Variants in MICAL3 observed in about 807,000 individuals in gnomAD.
The protein encoded by MICAL3 is [F-actin]-monooxygenase MICAL3.
A neutral mutation model predicts 207.4 loss-of-function variants in MICAL3; 62 were observed. The observed-to-expected ratio is 0.30, with a 90% CI of 0.24 to 0.37. MICAL3 has a LOEUF of 0.37. Among genes scored for constraint, MICAL3 ranks in the 10% least tolerant of loss-of-function variants. The pLI is 1.00. For missense variants in MICAL3, 2,368 were observed against 2,635.6 expected (o/e 0.90, Z 2.22); for synonymous variants, 1,077 against 1,069.3 (o/e 1.01, Z -0.14).
At chr22:17,815,442 C>CT (rs2062094451) in intron 27 of MICAL3, 1 of 152,298 alleles carries the variant, frequency 6.6e-6, no homozygotes, top group Non-Finnish European at 1.5e-5. Context: ...TGCTGACCCC[C>CT]TAAAGCAGCA....
chr22:17,840,761 T>C (rs1923929315), intron 20 of MICAL3: 1 of 151,780 alleles, frequency 6.6e-6, no homozygotes, highest in Non-Finnish European at 1.5e-5. Flanking sequence ...GTGGGGAGAG[T>C]GGGGCCTCCA....
intron 19 of MICAL3, among the ~76,000 whole-genome samples, chr22:17,846,797 A>C (rs2146087624): frequency 6.6e-6 from 1 of 152,354 alleles, no homozygotes; most frequent in South Asian, 2.1e-4. Context: ...GTCTTCACTA[A>C]GTCAGGGCAG....
At chr22:17,905,295 C>T (rs896711595) in intron 2 of MICAL3, among the ~76,000 whole-genome samples, 7 of 152,104 alleles carry the variant, frequency 4.6e-5, no homozygotes, top group Non-Finnish European at 8.8e-5. Context: ...ATGAGTCTAC[C>T]ACACACATGA....
At chr22:17,876,610 G>T in intron 16 of MICAL3, 1 of 152,806 alleles carries the variant, frequency 6.5e-6, no homozygotes, top group Non-Finnish European at 1.5e-5. Flanking sequence ...AGCCCCCTGG[G>T]GGGCAGAGCA....
intron 19 of MICAL3, among the ~76,000 whole-genome samples, chr22:17,849,277 A>G (rs1315126296): frequency 6.6e-6 from 1 of 152,236 alleles, no homozygotes; most frequent in African/African-American, 2.4e-5. Flanking sequence ...CCAAAGACTC[A>G]CATGAGCCAG....
At chr22:18,001,267 G>T (rs1263088778) in intron 1 of MICAL3, 1 of 152,068 alleles carries the variant, frequency 6.6e-6, no homozygotes, top group Admixed American at 6.5e-5. Context: ...CGCTCGCGGG[G>T]CCACCCGCTC....
chr22:17,999,866 C>A (rs2146484829), intron 1 of MICAL3, among the ~76,000 whole-genome samples: 1 of 152,332 alleles, frequency 6.6e-6, no homozygotes, highest in East Asian at 1.9e-4. Flanking sequence ...TTTAAAACTT[C>A]TAAACCTGGA....
rs905933315 is a variant in MICAL3 at position 17,881,117 on chromosome 22, G to C, written c.2241+4761C>G. The C allele has an allele frequency of 7.3e-6, 8 of 1,099,116 alleles. No individual in the cohort carries two copies. In the East Asian group the frequency reaches 9.5e-5, roughly 13 times the overall value. 68.1% of individuals were successfully genotyped at this position (1,099,116 alleles called of 1,614,324 possible). On this transcript the variant is annotated intron_variant, in intron 16 of 31. Transcript: ENST00000441493. ...TTCTTGATAGTTATTGCTGGTAAGA[G>C]GGAAAGTGACTTGGTCTCTACACTA...
At chr22:17,877,144 T>C (rs369817955) in intron 16 of MICAL3, among the ~76,000 whole-genome samples, 6 of 17,560 alleles carry the variant, frequency 3.4e-4, no homozygotes, top group Admixed American at 9.5e-4. Context: ...AGGGAGGTTA[T>C]GGAGGTTAGG....
intron 16 of MICAL3, chr22:17,881,383 G>C: frequency 1.6e-6 from 2 of 1,220,668 alleles, no homozygotes; most frequent in Non-Finnish European, 2.4e-6. Flanking sequence ...GAGGACTGAA[G>C]GGTGTTTGTC....
chr22:17,895,711 C>CA (rs1930771190), intron 9 of MICAL3, among the ~76,000 whole-genome samples: 1 of 151,826 alleles, frequency 6.6e-6, no homozygotes, highest in South Asian at 2.1e-4. Context: ...TCAAGCATCC[C>CA]AATATTTACT....
At chr22:17,892,012 G>A (rs1399582496) in intron 11 of MICAL3, among the ~76,000 whole-genome samples, 1 of 152,176 alleles carries the variant, frequency 6.6e-6, no homozygotes, top group East Asian at 1.9e-4. Flanking sequence ...GCACCTAGCT[G>A]AGGAAGCCTA....
intron 1 of MICAL3, among the ~76,000 whole-genome samples, chr22:17,924,567 A>C (rs1932872158): frequency 6.6e-6 from 1 of 152,180 alleles, no homozygotes; most frequent in Non-Finnish European, 1.5e-5. Flanking sequence ...CTGATGGCAG[A>C]TTTTCCAATT....
intron 18 of MICAL3, among the ~76,000 whole-genome samples, chr22:17,865,265 C>T (rs1926965190): frequency 6.6e-6 from 1 of 152,118 alleles, no homozygotes; most frequent in African/African-American, 2.4e-5. Context: ...TCTAGATCCA[C>T]CTAGGTGCAC....
At position 17,863,713 on chromosome 22, in the gene MICAL3, C is replaced by T. The variant is rs570689244; in HGVS notation, c.2605+1186G>A. On this transcript the variant is annotated intron_variant, in intron 19 of 31. Coordinates refer to ENST00000441493, the MANE Select transcript of MICAL3 (RefSeq NM_015241.3). ...CACACCGCCTAGCCTCTGGGCGCAT[C>T]TTCCCTCTCCCAGAATGAGCACCAC... 508 of 985,416 alleles carry T rather than the reference C, an allele frequency of 5.2e-4. 1 individual carries two copies. In the Middle Eastern group the frequency reaches 5.2e-3, roughly 10 times the overall value. The allele number at this position is 985,416 out of a possible 1,614,324, so 61.0% of individuals were successfully genotyped here.
chr22:17,853,879 C>T (rs62238923), intron 19 of MICAL3, among the ~76,000 whole-genome samples: 2,799 of 152,320 alleles, frequency 0.018, 46 homozygotes, highest in Non-Finnish European at 0.027. Context: ...TCTGCACCCG[C>T]CCGTCCTATG....
chr22:17,842,281 A>AG, intron 19 of MICAL3: 1 of 520,110 alleles, frequency 1.9e-6, no homozygotes, highest in Non-Finnish European at 3.5e-6. Context: ...CGGCCCCCAG[A>AG]GGGGAGACGC....
chr22:17,850,939 CCTTGA>C (rs1602053298), intron 19 of MICAL3, among the ~76,000 whole-genome samples: 1 of 152,158 alleles, frequency 6.6e-6, no homozygotes, highest in East Asian at 1.9e-4. Context: ...CACAGGTAAA[CCTTGA>C]CTTGATTTGT....
At chr22:17,969,955 C>T (rs994440897) in intron 1 of MICAL3, among the ~76,000 whole-genome samples, 2 of 152,174 alleles carry the variant, frequency 1.3e-5, no homozygotes, top group African/African-American at 2.4e-5. Flanking sequence ...ACTGGGAGCT[C>T]GTCAGAGGAG....
Sources: gnomAD v4.1 joint callset for allele counts (sites outside exome capture counted in the v4.1 genomes callset) on GRCh38, gnomAD v4.1.1 for gene constraint, MANE v1.5 for transcripts, NCBI Gene and HGNC (gene_info 2026-07-23, HGNC 2026-07-21) for gene names.